Variants in GNPDA2 observed in about 807,000 individuals in gnomAD.
GNPDA2 encodes glcN6P deaminase 2.
A neutral mutation model predicts 27.0 loss-of-function variants in GNPDA2; 24 were observed. The ratio of observed to expected loss-of-function variants is 0.89; its 90% confidence interval spans 0.64 to 1.25. The LOEUF (loss-of-function observed/expected upper bound fraction) is 1.25. Among genes scored for constraint, GNPDA2 ranks in the 50% most tolerant of loss-of-function variants. The probability of loss-of-function intolerance (pLI) is 0.00; values close to 1 mark genes in which losing one functional copy is unlikely to be tolerated. For missense variants in GNPDA2, 286 were observed against 335.1 expected, an observed-to-expected ratio of 0.85 and a Z score of 1.14; for synonymous variants, 94 against 108.4, an observed-to-expected ratio of 0.87 and a Z score of 0.83.
intron 5 of GNPDA2, 117 bp downstream of exon 5, chr4:44,710,833 AAAC>A (rs1468795701): frequency 5.8e-6 from 5 of 861,948 alleles, no homozygotes; most frequent in Admixed American, 3.2e-5. Flanking sequence ...GAAAACTAGA[AAAC>A]AATTTATACT....
chr4:44,723,621 A>G (rs1313649177), intron 1 of GNPDA2, among the ~76,000 whole-genome samples: 1 of 152,078 alleles, frequency 6.6e-6, no homozygotes, highest in Admixed American at 6.5e-5. Flanking sequence ...TCTTTATCCA[A>G]TCATTCACTG....
At chr4:44,711,684 T>A (rs1716988156) in intron 4 of GNPDA2, among the ~76,000 whole-genome samples, 1 of 151,862 alleles carries the variant, frequency 6.6e-6, no homozygotes, top group African/African-American at 2.4e-5. Flanking sequence ...GACCTTTCTG[T>A]AGGAGAGTTT....
At chr4:44,703,415 CAA>C in intron 6 of GNPDA2, 1 of 1,167,004 alleles carries the variant, frequency 8.6e-7, no homozygotes, top group Non-Finnish European at 1.1e-6. Flanking sequence ...TTCTTGTCTT[CAA>C]AGAGATTAAG....
intron 4 of GNPDA2, among the ~76,000 whole-genome samples, chr4:44,715,080 A>C (rs1717202631): frequency 6.6e-6 from 1 of 152,164 alleles, no homozygotes; most frequent in Non-Finnish European, 1.5e-5. Context: ...TCAAAAGGAG[A>C]ACTGAGGTGG....
At chr4:44,721,442 C>T (rs373762457) in intron 2 of GNPDA2, among the ~76,000 whole-genome samples, 11 of 152,070 alleles carry the variant, frequency 7.2e-5, no homozygotes, top group African/African-American at 2.4e-4. Flanking sequence ...CCAGGTCTAA[C>T]ACTCTGTGAA....
At chr4:44,707,167 T>C (rs1358329060) in intron 6 of GNPDA2, 1 of 152,186 alleles carries the variant, frequency 6.6e-6, no homozygotes, top group Non-Finnish European at 1.5e-5. Context: ...GGTTTCTGAA[T>C]TACTGAACTA....
intron 2 of GNPDA2, among the ~76,000 whole-genome samples, chr4:44,719,315 C>G (rs938708979): frequency 6.6e-6 from 1 of 151,710 alleles, no homozygotes; most frequent in Non-Finnish European, 1.5e-5. Flanking sequence ...AAAGGCTGCA[C>G]AAAAAATTCC....
chr4:44,714,710 A>C (rs1717172386), intron 4 of GNPDA2: 1 of 970,950 alleles, frequency 1.0e-6, no homozygotes, highest in African/African-American at 1.8e-5. Context: ...TCCTCATCTA[A>C]AAATCCAATG....
intron 1 of GNPDA2, among the ~76,000 whole-genome samples, chr4:44,726,026 G>A (rs1265436336): frequency 6.6e-6 from 1 of 152,118 alleles, no homozygotes; most frequent in Non-Finnish European, 1.5e-5. Context: ...GCGTAAGGGT[G>A]GCCTGGCCGC....
At chr4:44,717,035 G>A (rs550640600) in intron 4 of GNPDA2, 78 bp downstream of exon 4, 1 of 1,011,820 alleles carries the variant, frequency 9.9e-7, no homozygotes, top group Non-Finnish European at 1.5e-6. Flanking sequence ...TTACACAATG[G>A]GAAGATTTAT....
rs766499060 is a variant in GNPDA2, at chr4:44,702,994, T to A, written c.*87A>T. The stretch of plus-strand genomic sequence containing the variant: ...ATGACAATCTTCAAAATTCCCCATG[T>A]TTTGTCATATTGCATAGCTGAAAAT... On this transcript the variant is annotated 3_prime_UTR_variant, in exon 7 of 7. Coordinates refer to ENST00000295448, the MANE Select transcript of GNPDA2 (RefSeq NM_138335.3). 1.1e-5 allele frequency: 18 copies of A among 1,572,378 alleles called. No individual in the cohort carries two copies. The highest frequency in any genetic ancestry group is 1.5e-5 in the Non-Finnish European group (18 of 1,167,602).
chr4:44,714,547 A>C, intron 4 of GNPDA2: 1 of 984,946 alleles, frequency 1.0e-6, no homozygotes. Flanking sequence ...GGAGTGAAAA[A>C]CCCCATTCTG....
intron 1 of GNPDA2, among the ~76,000 whole-genome samples, chr4:44,724,319 T>G (rs1717874897): frequency 1.3e-5 from 2 of 152,210 alleles, no homozygotes; most frequent in Non-Finnish European, 2.9e-5. Flanking sequence ...ACTGCCTCAC[T>G]GTGAATAGTG....
intron 2 of GNPDA2, among the ~76,000 whole-genome samples, chr4:44,721,001 A>T (rs562763248): frequency 6.6e-6 from 1 of 152,120 alleles, no homozygotes; most frequent in African/African-American, 2.4e-5. Flanking sequence ...TTCAACCCCA[A>T]GGGGTCACAT....
At chr4:44,704,314 T>C in intron 6 of GNPDA2, 1 of 976,492 alleles carries the variant, frequency 1.0e-6, no homozygotes, top group South Asian at 4.7e-5. Flanking sequence ...AGCTGTATGA[T>C]TTAGAAGATG....
chr4:44,718,808 T>TA (rs1179410315), intron 2 of GNPDA2, among the ~76,000 whole-genome samples: 1 of 151,946 alleles, frequency 6.6e-6, no homozygotes, highest in African/African-American at 2.4e-5. Flanking sequence ...TTACTGAAAT[T>TA]AAAAGGGAAA....
intron 4 of GNPDA2, among the ~76,000 whole-genome samples, chr4:44,712,687 T>C (rs1717049793): frequency 6.6e-6 from 1 of 152,142 alleles, no homozygotes; most frequent in African/African-American, 2.4e-5. Flanking sequence ...GAAAAAAATA[T>C]GAAGTCTACT....
chr4:44,708,737 T>C (rs1716774648), intron 5 of GNPDA2, among the ~76,000 whole-genome samples: 1 of 152,168 alleles, frequency 6.6e-6, no homozygotes, highest in African/African-American at 2.4e-5. Flanking sequence ...TAAACTTTTT[T>C]TCCTCATTAC....
Position 44,718,337 on chromosome 4 carries a change from C to A in GNPDA2, c.198G>T (p.Val66=). ...HKNGHLSFKY[V]KTFNMDEYVG... is the part of the protein sequence containing the mutation. ...CATATTCATCCATATTAAAGGTCTT[C>A]ACATATTTAAAAGAAAGGTGTCCAT... Residue 66 remains valine, a synonymous_variant, in exon 3 of 7, where the codon GTG becomes GTT. Coordinates refer to ENST00000295448, the MANE Select transcript of GNPDA2 (RefSeq NM_138335.3). The A allele has an allele frequency of 7.5e-7, 1 of 1,335,106 alleles. No homozygotes were observed. Among genetic ancestry groups the A allele is most frequent in the Non-Finnish European group, 1.0e-6 (1 of 964,274 alleles). 82.7% of individuals were successfully genotyped at this position (1,335,106 alleles called of 1,614,324 possible).
Sources: gnomAD v4.1 joint callset for allele counts (sites outside exome capture counted in the v4.1 genomes callset) on GRCh38, gnomAD v4.1.1 for gene constraint, MANE v1.5 for transcripts, NCBI Gene and HGNC (gene_info 2026-07-23, HGNC 2026-07-21) for gene names.